Variants in SPTB observed in about 807,000 individuals in gnomAD.
SPTB encodes the protein spectrin beta chain, erythrocytic.
SPTB carries 45 observed loss-of-function variants against 256.2 expected under a neutral mutation model. That is an observed-to-expected ratio of 0.18 (90% confidence interval 0.14 to 0.23). The LOEUF is 0.23. SPTB is among the 10% of genes least tolerant of loss of function. The probability of loss-of-function intolerance (pLI) is 1.00; values close to 1 mark genes in which losing one functional copy is unlikely to be tolerated. For synonymous variants in SPTB, 1,231 were observed against 1,243.1 expected, an observed-to-expected ratio of 0.99 and a Z score of 0.21; for missense variants, 2,715 against 3,040.4, an observed-to-expected ratio of 0.89 and a Z score of 2.52.
Position 64,764,812 on chromosome 14 carries a change from C to A in SPTB, c.6345+1914G>T, listed in dbSNP as rs1007562619. On this transcript the variant is annotated intron_variant, in intron 32 of 35. Transcript: ENST00000644917. This position sits in a 1 kb window ranked among gnomAD's most constrained non-coding sequence, Gnocchi z 4.2. The stretch of plus-strand genomic sequence containing the variant: ...CGGCCCCCCAGAGTTCGCTCTCCTT[C>A]CGGCAGGGGCTGTTGCTGGGAAAAA... Among the ~76,000 whole-genome samples the A allele has an allele frequency of 1.3e-5, 2 of 152,158 alleles. No individual in the cohort carries two copies. Among genetic ancestry groups the A allele is most frequent in the Non-Finnish European group, 2.9e-5 (2 of 68,020 alleles).
rs9323454 is a variant in SPTB at position 64,859,220 on chromosome 14, C to T, written c.-52+20572G>A. Among the ~76,000 whole-genome samples the T allele has an allele frequency of 2.1e-3, 316 of 152,266 alleles. 3 individuals carry two copies. The highest frequency in any genetic ancestry group is 7.0e-3 in the African/African-American group (292 of 41,554). On this transcript the variant is annotated intron_variant, in intron 1 of 35. Coordinates refer to ENST00000644917, the MANE Select transcript of SPTB (RefSeq NM_001355436.2). Reference sequence around the variant, plus strand: ...AGTGAGCCAAGATCGCACCACTACACTCTAGTCTGGGCGACAGAGCGAGAC... The same window carrying T: ...AGTGAGCCAAGATCGCACCACTACATTCTAGTCTGGGCGACAGAGCGAGAC...
At position 64,786,805 on chromosome 14, in the gene SPTB, C is replaced by G; in HGVS notation, c.3160G>C (p.Glu1054Gln). 6.2e-7 allele frequency: 1 copy of G among 1,614,082 alleles called. No individual in the cohort carries two copies. The highest frequency in any genetic ancestry group is 8.5e-7 in the Non-Finnish European group (1 of 1,180,020). Residue 1054 changes from glutamate to glutamine, a missense_variant, in exon 16 of 36, where the codon GAG (glutamate) becomes CAG (glutamine). Glu to Gln is a conservative substitution (Grantham distance 29, BLOSUM62 2). Transcript: ENST00000644917. The surrounding 1 kb of genome is among the most constrained non-coding windows in gnomAD (Gnocchi z 5.6). ...QGLQQSLQGQEDLLGEVSQLQ... is the reference protein window; with the variant it reads ...QGLQQSLQGQQDLLGEVSQLQ... ...TGGCTGACTTCCCCCAGCAAGTCCT[C>G]CTGGCCCTGCAGGGATTGCTGCAGG... is the stretch of plus-strand genomic sequence containing the variant.
rs369188355 is a variant in SPTB at position 64,767,289 on chromosome 14, C to G, written c.6269+14G>C. On this transcript the variant is annotated intron_variant, in intron 31 of 35. Coordinates refer to ENST00000644917, the MANE Select transcript of SPTB (RefSeq NM_001355436.2). ...CAGAGCATTCAGCTCCCTGGACACA[C>G]GGCCACCACTCACCCAGTCTCCTCT... 4 of 1,613,826 alleles carry G rather than the reference C, an allele frequency of 2.5e-6. No homozygotes were observed. The highest frequency in any genetic ancestry group is 3.3e-5 in the Admixed American group (2 of 60,022).
At chr14:64,750,987 A>G (rs1158241757) in intron 33 of SPTB, among the ~76,000 whole-genome samples, 2 of 145,382 alleles carry the variant, frequency 1.4e-5, no homozygotes, top group African/African-American at 5.0e-5. Flanking sequence ...TATTTTATAC[A>G]TTATATATAA....
At position 64,802,776 on chromosome 14, in the gene SPTB, TG is replaced by T. The variant is rs2082911874; in HGVS notation, c.475-460del. On this transcript the variant is annotated intron_variant, in intron 4 of 35. Transcript: ENST00000644917. The surrounding 1 kb of genome is among the most constrained non-coding windows in gnomAD (Gnocchi z 5.1). ...CCTGTGCCCCAGCAGCCTGCTTCCC[TG>T]CCTCAGTCAGCCAAAATGGCACAGG... Among the ~76,000 whole-genome samples, 2 of 152,216 alleles carry T rather than the reference TG, an allele frequency of 1.3e-5. No homozygotes were observed. Among genetic ancestry groups the T allele is most frequent in the Non-Finnish European group, 2.9e-5 (2 of 68,038 alleles).
rs1451079639 is a variant in SPTB, at chr14:64,790,318, T to A, written c.2804+1401A>T. On this transcript the variant is annotated intron_variant, in intron 15 of 35. Coordinates refer to ENST00000644917, the MANE Select transcript of SPTB (RefSeq NM_001355436.2). This position sits in a 1 kb window ranked among gnomAD's most constrained non-coding sequence, Gnocchi z 4.8. ...AAAGATCAACATTCTCAGACTATAG[T>A]TTATTGTTGAGCTGATGAGTTCTTC... 6.6e-6 allele frequency among the ~76,000 whole-genome samples: 1 copy of A among 152,128 alleles called. No homozygotes were observed. Among genetic ancestry groups the A allele is most frequent in the Non-Finnish European group, 1.5e-5 (1 of 68,026 alleles).
rs148841313 is a variant in SPTB at position 64,873,613 on chromosome 14, G to A, written c.-52+6179C>T. ...TTGAGGTTCTGTGGCTATGGTAAAG[G>A]GTAATACCATTAACAAGTGTCTTCT... On this transcript the variant is annotated intron_variant, in intron 1 of 35. Transcript: ENST00000644917. The surrounding 1 kb of genome is among the most constrained non-coding windows in gnomAD (Gnocchi z 4.3). Among the ~76,000 whole-genome samples the A allele has an allele frequency of 3.4e-3, 523 of 152,146 alleles. 4 individuals are homozygous for A. Among genetic ancestry groups the A allele is most frequent in the African/African-American group, 0.012 (509 of 41,496 alleles).
At position 64,779,289 on chromosome 14, in the gene SPTB, G is replaced by A. The variant is rs1418050055; in HGVS notation, c.4474-43C>T. On this transcript the variant is annotated intron_variant, in intron 21 of 35. Transcript: ENST00000644917. This position sits in a 1 kb window ranked among gnomAD's most constrained non-coding sequence, Gnocchi z 4.2. The stretch of plus-strand genomic sequence containing the variant: ...CAGGAGAGAGCTGATGACAATCACG[G>A]CCAACCTTTCCTGAGTGCTCACCAT... 1 of 1,533,104 alleles carries A rather than the reference G, an allele frequency of 6.5e-7. No individual in the cohort carries two copies. The highest frequency in any genetic ancestry group is 1.1e-5 in the South Asian group (1 of 86,988). 95.0% of individuals were successfully genotyped at this position (1,533,104 alleles called of 1,614,324 possible).
In SPTB at chr14:64,784,526, C is replaced by T. The variant is rs1470774218; in HGVS notation, c.3856-133G>A. The T allele has an allele frequency of 1.1e-5, 14 of 1,219,196 alleles. No homozygotes were observed. The East Asian group carries it at 3.0e-4, about 26-fold the overall frequency. 75.5% of individuals were successfully genotyped at this position (1,219,196 alleles called of 1,614,324 possible). On this transcript the variant is annotated intron_variant, in intron 18 of 35. Coordinates refer to ENST00000644917, the MANE Select transcript of SPTB (RefSeq NM_001355436.2). The stretch of plus-strand genomic sequence containing the variant: ...GCAAGCACAGAAGAGAACCCATCTG[C>T]AGTTCTGGATCCCTCTGTACCAGCA...
rs1728678145 is a variant in SPTB at position 64,806,929 on chromosome 14, T to C, written c.149-1839A>G. 1.3e-5 allele frequency among the ~76,000 whole-genome samples: 2 copies of C among 152,242 alleles called. No individual in the cohort carries two copies. Among genetic ancestry groups the C allele is most frequent in the Admixed American group, 1.3e-4 (2 of 15,288 alleles). Reference sequence around the variant, plus strand: ...GGCATTCATTTATTCTGGGCCTCTGTGCAAAGTTTCAGCGAGAAAACTCCC... The same window carrying C: ...GGCATTCATTTATTCTGGGCCTCTGCGCAAAGTTTCAGCGAGAAAACTCCC... On this transcript the variant is annotated intron_variant, in intron 2 of 35. Transcript: ENST00000644917. The surrounding 1 kb of genome is among the most constrained non-coding windows in gnomAD (Gnocchi z 4.1).
In SPTB at chr14:64,853,954, G is replaced by A. The variant is rs2083826687; in HGVS notation, c.-52+25838C>T. 6.6e-6 allele frequency among the ~76,000 whole-genome samples: 1 copy of A among 152,190 alleles called. No homozygotes were observed. The highest frequency in any genetic ancestry group is 1.5e-5 in the Non-Finnish European group (1 of 68,044). ...CGCCTGTAATCCCAGTACTTTGGGA[G>A]ACCGAGGCAGGTAGATCACCTGAGG... On this transcript the variant is annotated intron_variant, in intron 1 of 35. Coordinates refer to ENST00000644917, the MANE Select transcript of SPTB (RefSeq NM_001355436.2). This position sits in a 1 kb window ranked among gnomAD's most constrained non-coding sequence, Gnocchi z 4.3.
rs1024869397 is a variant in SPTB at position 64,844,627 on chromosome 14, G to A, written c.-51-21482C>T. 1.3e-5 allele frequency among the ~76,000 whole-genome samples: 2 copies of A among 152,230 alleles called. No homozygotes were observed. Among genetic ancestry groups the A allele is most frequent in the African/African-American group, 2.4e-5 (1 of 41,454 alleles). ...GTCTCTAATGATAAATTTCAGCTTT[G>A]TTAATAACAGTCCAGCAATTCACAT... On this transcript the variant is annotated intron_variant, in intron 1 of 35. Transcript: ENST00000644917. This position sits in a 1 kb window ranked among gnomAD's most constrained non-coding sequence, Gnocchi z 4.1.
chr14:64,767,006 AG>A (rs1240429456), intron 31 of SPTB, among the ~76,000 whole-genome samples: 5 of 152,160 alleles, frequency 3.3e-5, no homozygotes, highest in African/African-American at 1.2e-4. Flanking sequence ...GAAGGGAGCC[AG>A]GTTCCAGGCA....
Position 64,778,219 on chromosome 14 carries a change from A to G in SPTB, c.4563+938T>C, listed in dbSNP as rs2082395554. Among the ~76,000 whole-genome samples, 1 of 152,200 alleles carries G rather than the reference A, an allele frequency of 6.6e-6. No individual in the cohort carries two copies. The highest frequency in any genetic ancestry group is 2.4e-5 in the African/African-American group (1 of 41,456). On this transcript the variant is annotated intron_variant, in intron 22 of 35. Coordinates refer to ENST00000644917, the MANE Select transcript of SPTB (RefSeq NM_001355436.2). This position sits in a 1 kb window ranked among gnomAD's most constrained non-coding sequence, Gnocchi z 5.2. ...GAAGAAACTTCTCTGAATATAATCT[A>G]GGCCTCTGCACTGCTGCTGGGCTCA...
chr14:64,756,182 T>TCGAG (rs1181042545), intron 32 of SPTB: 1 of 152,240 alleles, frequency 6.6e-6, no homozygotes, highest in Non-Finnish European at 1.5e-5. Context: ...GCCTCATCTT[T>TCGAG]CAGAGTGTAT....
intron 10 of SPTB, among the ~76,000 whole-genome samples, chr14:64,797,287 T>C (rs545225942): frequency 4.0e-5 from 6 of 151,620 alleles, no homozygotes; most frequent in Non-Finnish European, 2.9e-5. Flanking sequence ...CTAGGCAACA[T>C]TGCCAGACTC....
intron 15 of SPTB, 148 bp from the exon 16 acceptor site, chr14:64,787,308 A>T: frequency 1.9e-6 from 2 of 1,077,062 alleles, no homozygotes; most frequent in Non-Finnish European, 2.6e-6. Flanking sequence ...AATCTACCTA[A>T]CGAAGTGTAG....
At position 64,779,182 on chromosome 14, in the gene SPTB, A is replaced by T; in HGVS notation, c.4538T>A (p.Val1513Glu). ...SADYGTNLQT[V>E]QLFMKKNQTL... The stretch of plus-strand genomic sequence containing the variant: ...CTGGTTCTTCTTCATGAACAGTTGC[A>T]CAGTTTGCAGATTAGTGCCATAGTC... Residue 1513 changes from valine to glutamate, a missense_variant, in exon 22 of 36, where the codon GTG becomes GAG. Physicochemically the swap from Val to Glu is moderately radical, Grantham distance 121 (BLOSUM62 -2). This residue lies in a region of SPTB where 2,239 missense variants were observed against 2,384.4 expected (regional missense o/e 0.94). Coordinates refer to ENST00000644917, the MANE Select transcript of SPTB (RefSeq NM_001355436.2). This position sits in a 1 kb window ranked among gnomAD's most constrained non-coding sequence, Gnocchi z 4.2. 1 of 1,614,014 alleles carries T rather than the reference A, an allele frequency of 6.2e-7. No homozygotes were observed. Among genetic ancestry groups the T allele is most frequent in the Non-Finnish European group, 8.5e-7 (1 of 1,179,962 alleles).
At position 64,806,242 on chromosome 14, in the gene SPTB, G is replaced by A. The variant is rs2082981653; in HGVS notation, c.149-1152C>T. 6.6e-6 allele frequency among the ~76,000 whole-genome samples: 1 copy of A among 152,168 alleles called. No homozygotes were observed. Among genetic ancestry groups the A allele is most frequent in the South Asian group, 2.1e-4 (1 of 4,824 alleles). Reference sequence around the variant, plus strand: ...ATTGAAGGTGAGAAGAGAGGAGTGAGCCCTCTCTGGATTTATGAACAGTTT... The same window carrying A: ...ATTGAAGGTGAGAAGAGAGGAGTGAACCCTCTCTGGATTTATGAACAGTTT... On this transcript the variant is annotated intron_variant, in intron 2 of 35. Coordinates refer to ENST00000644917, the MANE Select transcript of SPTB (RefSeq NM_001355436.2). This position sits in a 1 kb window ranked among gnomAD's most constrained non-coding sequence, Gnocchi z 4.1.
Sources: allele counts gnomAD v4.1 joint callset (sites outside exome capture counted in the v4.1 genomes callset), GRCh38; gene constraint gnomAD v4.1.1; regional missense constraint gnomAD v4.1.1; non-coding constraint Gnocchi (gnomAD v3.1); transcripts MANE v1.5; gene names NCBI Gene and HGNC (gene_info 2026-07-23, HGNC 2026-07-21).